Variants in DLGAP2 observed in about 807,000 individuals in gnomAD.
DLGAP2 encodes DLG associated protein 2, also known as disks large-associated protein 2.
DLGAP2 carries 26 observed loss-of-function variants against 100.3 expected under a neutral mutation model. The observed-to-expected ratio is 0.26, with a 90% CI of 0.19 to 0.36. The LOEUF is 0.36. DLGAP2 is among the 10% of genes least tolerant of loss of function. The pLI is 1.00. For synonymous variants in DLGAP2, 886 were observed against 630.1 expected (o/e 1.41, Z -6.08); for missense variants, 1,858 against 1,453.2 (o/e 1.28, Z -4.53).
chr8:1,149,923 C>T (rs1217121404), intron 2 of DLGAP2, among the ~76,000 whole-genome samples: 2 of 152,208 alleles, frequency 1.3e-5, no homozygotes, highest in Non-Finnish European at 2.9e-5. Flanking sequence ...GACCCTGGAA[C>T]CTTTTAACTC....
chr8:1,167,269 A>G (rs1797035023), intron 2 of DLGAP2, among the ~76,000 whole-genome samples: 1 of 152,234 alleles, frequency 6.6e-6, no homozygotes, highest in East Asian at 1.9e-4. Context: ...GAAATTTATC[A>G]CAAACCCTCA....
chr8:1,373,711 A>G (rs563240123), intron 3 of DLGAP2: 4 of 152,300 alleles, frequency 2.6e-5, no homozygotes, highest in East Asian at 1.9e-4. Context: ...AGCTTAATCA[A>G]CACAACGCTG....
intron 2 of DLGAP2, among the ~76,000 whole-genome samples, chr8:1,187,007 C>T (rs1261349942): frequency 6.6e-6 from 1 of 152,124 alleles, no homozygotes; most frequent in Non-Finnish European, 1.5e-5. Context: ...CTAAGCCCGG[C>T]CTCAGTGCAG....
chr8:1,181,856 C>T (rs1402877997), intron 2 of DLGAP2, among the ~76,000 whole-genome samples: 1 of 152,210 alleles, frequency 6.6e-6, no homozygotes, highest in African/African-American at 2.4e-5. Context: ...CCCTGCACGG[C>T]ACCCCCTGGA....
chr8:1,341,979 C>G (rs151123469), intron 3 of DLGAP2, among the ~76,000 whole-genome samples: 10 of 152,118 alleles, frequency 6.6e-5, no homozygotes, highest in African/African-American at 2.2e-4. Flanking sequence ...GAGACGGCAT[C>G]TCTCTCTGTC....
chr8:1,691,673 G>A (rs1035390025), intron 13 of DLGAP2, 47 bp downstream of exon 13: 5 of 1,443,454 alleles, frequency 3.5e-6, no homozygotes, highest in African/African-American at 2.8e-5. Context: ...CCAAGCTAAT[G>A]GGCATCATTC....
chr8:807,143 G>T (rs1476955558), intron 1 of DLGAP2, among the ~76,000 whole-genome samples: 1 of 152,198 alleles, frequency 6.6e-6, no homozygotes, highest in Non-Finnish European at 1.5e-5. Flanking sequence ...TTTCCCAGTG[G>T]GCTGGTGGCA....
chr8:1,478,235 G>T (rs1798989757), intron 3 of DLGAP2, among the ~76,000 whole-genome samples: 1 of 152,138 alleles, frequency 6.6e-6, no homozygotes, highest in Admixed American at 6.5e-5. Flanking sequence ...TGGGACACTG[G>T]TGGCTTTCTC....
chr8:1,333,518 C>T (rs967520532), intron 3 of DLGAP2, among the ~76,000 whole-genome samples: 3 of 152,076 alleles, frequency 2.0e-5, no homozygotes, highest in African/African-American at 4.8e-5. Context: ...GTTCACACCC[C>T]GTTTCTCCTC....
intron 1 of DLGAP2, among the ~76,000 whole-genome samples, chr8:837,222 G>A (rs1015839331): frequency 6.6e-6 from 1 of 152,214 alleles, no homozygotes; most frequent in African/African-American, 2.4e-5. Flanking sequence ...GCCCAGTGCT[G>A]CTGGCATGAG....
At chr8:849,399 T>C (rs1180865735) in intron 1 of DLGAP2, among the ~76,000 whole-genome samples, 5 of 152,258 alleles carry the variant, frequency 3.3e-5, no homozygotes, top group Non-Finnish European at 5.9e-5. Context: ...AATGAACTAC[T>C]GTAAATACTG....
intron 2 of DLGAP2, chr8:1,248,852 A>G (rs1798974215): frequency 6.6e-6 from 1 of 152,350 alleles, no homozygotes; most frequent in South Asian, 2.1e-4. Context: ...GGACCTGCAC[A>G]CGGTCACCAG....
chr8:1,232,591 T>G (rs535531377), intron 2 of DLGAP2, among the ~76,000 whole-genome samples: 2 of 152,230 alleles, frequency 1.3e-5, no homozygotes, highest in Non-Finnish European at 2.9e-5. Flanking sequence ...ATCCTTTACA[T>G]TGGCTGATGT....
chr8:1,687,011 T>C (rs1326352213), intron 12 of DLGAP2, among the ~76,000 whole-genome samples: 1 of 152,090 alleles, frequency 6.6e-6, no homozygotes, highest in Non-Finnish European at 1.5e-5. Context: ...GATAAATCCA[T>C]TAAAAACACA....
At chr8:964,282 AG>A (rs1799793871) in intron 2 of DLGAP2, among the ~76,000 whole-genome samples, 1 of 152,190 alleles carries the variant, frequency 6.6e-6, no homozygotes, top group Admixed American at 6.5e-5. Context: ...GTAATGAAAA[AG>A]TGCTTCACAG....
At chr8:1,445,121 G>A (rs925456102) in intron 3 of DLGAP2, among the ~76,000 whole-genome samples, 1 of 148,240 alleles carries the variant, frequency 6.7e-6, no homozygotes, top group African/African-American at 2.5e-5. Context: ...AAGTTTTAGG[G>A]TACATGTGTA....
At chr8:1,374,863 G>A (rs573918083) in intron 3 of DLGAP2, among the ~76,000 whole-genome samples, 16 of 152,274 alleles carry the variant, frequency 1.1e-4, no homozygotes, top group Admixed American at 7.8e-4. Flanking sequence ...GGTGCCGCAC[G>A]GCCTGGCACT....
intron 3 of DLGAP2, among the ~76,000 whole-genome samples, chr8:1,392,514 C>T (rs1013279209): frequency 3.9e-5 from 6 of 152,176 alleles, no homozygotes; most frequent in South Asian, 2.1e-4. Context: ...GCCTCATTGC[C>T]GAGTGTGAGA....
At chr8:768,304 T>C (rs1268565794) in intron 1 of DLGAP2, among the ~76,000 whole-genome samples, 1 of 152,128 alleles carries the variant, frequency 6.6e-6, no homozygotes, top group African/African-American at 2.4e-5. Flanking sequence ...AGTAGTGTTG[T>C]GGTTATTTAC....
Sources: allele counts gnomAD v4.1 joint callset (sites outside exome capture counted in the v4.1 genomes callset), GRCh38; gene constraint gnomAD v4.1.1; transcripts MANE v1.5; gene names NCBI Gene and HGNC (gene_info 2026-07-23, HGNC 2026-07-21).